Variants in CTCFL observed in about 807,000 individuals in gnomAD.
CTCFL encodes the protein transcriptional repressor CTCFL.
Under a neutral mutation model 67.4 loss-of-function variants are expected in CTCFL, and 36 were observed. The observed-to-expected ratio is 0.53, with a 90% CI of 0.41 to 0.71. The LOEUF (loss-of-function observed/expected upper bound fraction) is 0.71, where lower values mean the gene tolerates loss of function less well. CTCFL is among the 30% of genes least tolerant of loss of function. The pLI is 0.00. For missense variants in CTCFL, 786 were observed against 835.2 expected (o/e 0.94, Z 0.73); for synonymous variants, 324 against 302.3 (o/e 1.07, Z -0.75).
At chr20:57,517,567 C>T (rs916582008) in intron 5 of CTCFL, among the ~76,000 whole-genome samples, 5 of 152,034 alleles carry the variant, frequency 3.3e-5, no homozygotes, top group African/African-American at 7.2e-5. Context: ...CGTGAGCCAC[C>T]GCGCCCGGCC....
intron 3 of CTCFL, among the ~76,000 whole-genome samples, chr20:57,521,581 G>T (rs574668951): frequency 6.6e-6 from 1 of 152,252 alleles, no homozygotes; most frequent in East Asian, 1.9e-4. Flanking sequence ...ATACGCAAAA[G>T]GACTGGAAAC....
In CTCFL at chr20:57,498,093, G is replaced by A. The variant is rs2067753028; in HGVS notation, c.*457C>T. 1.1e-6 allele frequency: 1 copy of A among 923,576 alleles called. No homozygotes were observed. The highest frequency in any genetic ancestry group is 5.0e-5 in the South Asian group (1 of 19,938). The allele number at this position is 923,576 out of a possible 1,614,324, so 57.2% of individuals were successfully genotyped here. A position where few individuals can be genotyped will look rare whatever the true frequency, so the allele number is the denominator to read the frequency against. On this transcript the variant is annotated 3_prime_UTR_variant, in exon 11 of 11. Coordinates refer to ENST00000243914, the MANE Select transcript of CTCFL (RefSeq NM_001386993.1). ...ACCATATATTATTAGAAATATCATGGGTGTATATAATGCAACATAAAAATG... is the reference window on the plus strand; with the variant it reads ...ACCATATATTATTAGAAATATCATGAGTGTATATAATGCAACATAAAAATG...
chr20:57,497,590 C>T lies in CTCFL; in HGVS notation c.*960G>A, dbSNP rs2067741830. ...TTAAAGAGGCATCTCTCACGCTGCT[C>T]GAGGGTGGAAAAATCTTGTCAACTG... On this transcript the variant is annotated 3_prime_UTR_variant, in exon 11 of 11. Transcript: ENST00000243914. 1.1e-5 allele frequency: 11 copies of T among 985,362 alleles called. No individual in the cohort carries two copies. The highest frequency in any genetic ancestry group is 4.7e-5 in the South Asian group (1 of 21,286). 61.0% of individuals were successfully genotyped at this position (985,362 alleles called of 1,614,324 possible).
Position 57,497,951 on chromosome 20 carries a change from T to C in CTCFL, c.*599A>G. The C allele has an allele frequency of 1.1e-6, 1 of 941,272 alleles. No homozygotes were observed. The highest frequency in any genetic ancestry group is 1.3e-6 in the Non-Finnish European group (1 of 789,900). The allele number at this position is 941,272 out of a possible 1,614,324, so 58.3% of individuals were successfully genotyped here. On this transcript the variant is annotated 3_prime_UTR_variant, in exon 11 of 11. Coordinates refer to ENST00000243914, the MANE Select transcript of CTCFL (RefSeq NM_001386993.1). The stretch of plus-strand genomic sequence containing the variant: ...TATTTCATTTCCTACTCAGTTTTCC[T>C]TTTTATAAGAGTAAAACATTTTTTG...
At chr20:57,505,693 T>C (rs2068169338) in intron 9 of CTCFL, among the ~76,000 whole-genome samples, 1 of 152,222 alleles carries the variant, frequency 6.6e-6, no homozygotes, top group Admixed American at 6.5e-5. Flanking sequence ...GCTACTCTCT[T>C]GAAGCTACTG....
chr20:57,500,311 C>T, intron 10 of CTCFL: 1 of 615,656 alleles, frequency 1.6e-6, no homozygotes, highest in Non-Finnish European at 2.4e-6. Context: ...AACAATTAGC[C>T]AGGCGTGGTG....
At chr20:57,509,837 C>A (rs2068439202) in intron 8 of CTCFL, among the ~76,000 whole-genome samples, 2 of 152,168 alleles carry the variant, frequency 1.3e-5, no homozygotes, top group Admixed American at 1.3e-4. Context: ...GCGCTCCCTG[C>A]TGGGAGCCTG....
At chr20:57,507,353 A>C in intron 9 of CTCFL, 5 of 538,548 alleles carry the variant, frequency 9.3e-6, no homozygotes, top group East Asian at 3.3e-5. Flanking sequence ...TACCACGCCT[A>C]GCTATTTTCT....
rs1474682715 is a variant in CTCFL at position 57,523,915 on chromosome 20, C to A, written c.291G>T (p.Met97Ile). The A allele has an allele frequency of 6.2e-7, 1 of 1,613,062 alleles. No homozygotes were observed. The highest frequency in any genetic ancestry group is 8.5e-7 in the Non-Finnish European group (1 of 1,180,042). ...CTTGCTGCTGTATGCTCAGCAAGCTCATATCCTGCAACTCCACAGCTTCAG... is the reference window on the plus strand; with the variant it reads ...CTTGCTGCTGTATGCTCAGCAAGCTAATATCCTGCAACTCCACAGCTTCAG... ...FTSEAVELQD[M>I]SLLSIQQQEG... The change falls in exon 2 of 11, where the codon ATG (methionine) becomes ATT (isoleucine). Residue 97 changes from methionine to isoleucine, a missense_variant. Transcript: ENST00000243914.
chr20:57,509,861 G>A lies in CTCFL; in HGVS notation c.1492-1073C>T, dbSNP rs186925943. 2.1e-4 allele frequency among the ~76,000 whole-genome samples: 32 copies of A among 152,166 alleles called. No individual in the cohort carries two copies. The East Asian group carries it at 3.9e-3, about 18-fold the overall frequency. On this transcript the variant is annotated intron_variant, in intron 8 of 10. Coordinates refer to ENST00000243914, the MANE Select transcript of CTCFL (RefSeq NM_001386993.1). ...GCTGGGAGCCTGACTCTCCAGGACC[G>A]CGGCAGCCAGGAGCACCCAGCAGTG...
Position 57,519,391 on chromosome 20 carries a change from A to G in CTCFL, c.755-14T>C, listed in dbSNP as rs1422600391. On this transcript the variant is annotated splice_polypyrimidine_tract_variant and intron_variant, in intron 3 of 10. Transcript: ENST00000243914. ...TTCCTTTTGCTCCTATAGGCAGGAA[A>G]TAGTTTATGTATTTGTTAGAGGTTC... The G allele has an allele frequency of 1.9e-6, 3 of 1,609,596 alleles. No homozygotes were observed. In the South Asian group the frequency reaches 3.3e-5, roughly 18 times the overall value.
At chr20:57,515,471 A>G (rs2068846923) in intron 6 of CTCFL, 1 of 480,296 alleles carries the variant, frequency 2.1e-6, no homozygotes. Context: ...ATACCTGAAA[A>G]ATCTACGGAA....
intron 7 of CTCFL, chr20:57,513,537 T>C (rs2068699716): frequency 4.6e-6 from 5 of 1,075,386 alleles, no homozygotes; most frequent in African/African-American, 1.7e-5. Flanking sequence ...CCCACTGGCA[T>C]GAGATGGATA....
Position 57,524,233 on chromosome 20 carries a change from C to A in CTCFL, c.-11-17G>T, listed in dbSNP as rs773483234. The A allele has an allele frequency of 3.1e-6, 5 of 1,595,332 alleles. No individual in the cohort carries two copies. The Admixed American group carries it at 5.1e-5, about 16-fold the overall frequency. ...TGACTTGGCCTGTTTGAAAAATAAG[C>A]AAGCGGTTTCCATAGGGGGGAGAAG... On this transcript the variant is annotated splice_polypyrimidine_tract_variant and intron_variant, in intron 1 of 10. Coordinates refer to ENST00000243914, the MANE Select transcript of CTCFL (RefSeq NM_001386993.1).
At chr20:57,509,725 A>T (rs1249071665) in intron 8 of CTCFL, among the ~76,000 whole-genome samples, 1 of 152,216 alleles carries the variant, frequency 6.6e-6, no homozygotes, top group African/African-American at 2.4e-5. Flanking sequence ...CAGTGGCCTA[A>T]CTGATGCTCT....
At position 57,523,696 on chromosome 20, in the gene CTCFL, C is replaced by T. The variant is rs1012359493; in HGVS notation, c.510G>A (p.Ala170=). ...GTCCAGTAGTTTCAGCCAGGCTCAC[C>T]GCTAACTTACTGTCTTCACTGGCCA... The part of the protein sequence containing the change: ...VMVASEDSKL[A]VSLAETTGLI... Residue 170 remains alanine (A), a synonymous_variant, in exon 2 of 11, where the codon GCG becomes GCA. Coordinates refer to ENST00000243914, the MANE Select transcript of CTCFL (RefSeq NM_001386993.1). 8 of 1,613,310 alleles carry T rather than the reference C, an allele frequency of 5.0e-6. No homozygotes were observed. In the Admixed American group the frequency reaches 8.3e-5, roughly 17 times the overall value.
At chr20:57,513,838 G>A (rs1161279282) in intron 7 of CTCFL, 13 of 1,288,774 alleles carry the variant, frequency 1.0e-5, no homozygotes, top group Middle Eastern at 2.1e-4. Context: ...TTTGGAAAGA[G>A]AAATAAGATC....
chr20:57,515,690 G>A (rs953457518), intron 6 of CTCFL, 24 bp downstream of exon 6: 4 of 1,614,078 alleles, frequency 2.5e-6, no homozygotes, highest in Non-Finnish European at 3.4e-6. Flanking sequence ...GTAGGTATCA[G>A]GCCTTCAGCA....
chr20:57,524,566 G>A lies in CTCFL; in HGVS notation c.-11-350C>T, dbSNP rs143473740. The A allele has an allele frequency of 8.0e-4, 839 of 1,050,252 alleles. 15 individuals are homozygous for A. The Admixed American group carries it at 0.034, about 43-fold the overall frequency. 65.1% of individuals were successfully genotyped at this position (1,050,252 alleles called of 1,614,324 possible). A position where few individuals can be genotyped will look rare whatever the true frequency, so the allele number is the denominator to read the frequency against. On this transcript the variant is annotated intron_variant, in intron 1 of 10. Coordinates refer to ENST00000243914, the MANE Select transcript of CTCFL (RefSeq NM_001386993.1). ...GGCCTAGCAAGGTTAGGCCTGAGCCGGTTCAGTCAGTGAACATCCTGGGCC... is the reference window on the plus strand; with the variant it reads ...GGCCTAGCAAGGTTAGGCCTGAGCCAGTTCAGTCAGTGAACATCCTGGGCC...
Sources: gnomAD v4.1 joint callset for allele counts (sites outside exome capture counted in the v4.1 genomes callset) on GRCh38, gnomAD v4.1.1 for gene constraint, MANE v1.5 for transcripts, NCBI Gene and HGNC (gene_info 2026-07-23, HGNC 2026-07-21) for gene names.